FLT4: variants seen among roughly 807,000 people sequenced by gnomAD.
FLT4 encodes fms related receptor tyrosine kinase 4.
In FLT4, 30 loss-of-function variants were observed where a neutral mutation model predicts 163.2. That is an observed-to-expected ratio of 0.18 (90% confidence interval 0.14 to 0.25). The LOEUF is 0.25. Among genes scored for constraint, FLT4 ranks in the 10% least tolerant of loss-of-function variants. The pLI is 1.00. For missense variants in FLT4, 1,510 were observed against 1,863.8 expected (o/e 0.81, Z 3.50); for synonymous variants, 884 against 789.5 (o/e 1.12, Z -2.01).
Position 180,618,754 on chromosome 5 carries a change from G to C in FLT4, c.3001+16C>G, listed in dbSNP as rs374709698. On this transcript the variant is annotated intron_variant, in intron 21 of 29. Coordinates refer to ENST00000261937, the MANE Select transcript of FLT4 (RefSeq NM_182925.5). ...CCCGTCAGGCACTAGGAAAAGGGAA[G>C]AGGCCAGGCTCTCACCTTCTTGGTC... The C allele has an allele frequency of 4.4e-6, 7 of 1,581,936 alleles. No homozygotes were observed. The African/African-American group carries it at 9.4e-5, about 21-fold the overall frequency.
chr5:180,640,941 T>C (rs1031623429), intron 1 of FLT4, among the ~76,000 whole-genome samples: 4 of 152,158 alleles, frequency 2.6e-5, no homozygotes, highest in African/African-American at 7.2e-5. Flanking sequence ...CTCCGAATGA[T>C]GGCTGAGTCC....
At chr5:180,609,807 G>T in intron 28 of FLT4, 98 bp downstream of exon 28, 1 of 1,452,954 alleles carries the variant, frequency 6.9e-7, no homozygotes, top group Non-Finnish European at 9.6e-7. Context: ...ACAGTCGTTG[G>T]GTTCTGCCAT....
rs375651925 is a variant in FLT4 at position 180,624,102 on chromosome 5, G to C, written c.1422-41C>G. 72 of 1,605,694 alleles carry C rather than the reference G, an allele frequency of 4.5e-5. No individual in the cohort carries two copies. In the Middle Eastern group the frequency reaches 6.6e-4, roughly 15 times the overall value. On this transcript the variant is annotated intron_variant, in intron 10 of 29. Coordinates refer to ENST00000261937, the MANE Select transcript of FLT4 (RefSeq NM_182925.5). Reference sequence around the variant, plus strand: ...GAGGCAAGGGCAGGTCAGGGATACAGGCAGGAAGGGCCCACATGGGGGGCG... The same window carrying C: ...GAGGCAAGGGCAGGTCAGGGATACACGCAGGAAGGGCCCACATGGGGGGCG...
At chr5:180,644,476 T>C (rs1765369620) in intron 1 of FLT4, among the ~76,000 whole-genome samples, 1 of 152,254 alleles carries the variant, frequency 6.6e-6, no homozygotes, top group Admixed American at 6.5e-5. Context: ...CTGGGGAATG[T>C]GGACAGTGGC....
In FLT4 at chr5:180,604,682, A is replaced by AT. The variant is rs796169921; in HGVS notation, c.3894-1293dup. 8.5e-5 allele frequency among the ~76,000 whole-genome samples: 13 copies of AT among 152,104 alleles called. 1 individual carries two copies. Among genetic ancestry groups the AT allele is most frequent in the African/African-American group, 3.1e-4 (13 of 41,480 alleles). On this transcript the variant is annotated intron_variant, in intron 29 of 29. Transcript: ENST00000261937. Reference sequence around the variant, plus strand: ...ATCCTCAAGCGCTCACTTTCTTTGCATTTTTTGAAGATGTTGACTTCTTGT... The same window carrying AT: ...ATCCTCAAGCGCTCACTTTCTTTGCATTTTTTTGAAGATGTTGACTTCTTGT...
Position 180,631,300 on chromosome 5 carries a change from C to T in FLT4, c.155+382G>A, listed in dbSNP as rs567798569. 1.2e-4 allele frequency among the ~76,000 whole-genome samples: 18 copies of T among 152,024 alleles called. 1 individual carries two copies. The highest frequency in any genetic ancestry group is 3.6e-4 in the African/African-American group (15 of 41,524). ...CATCCTGCTTAACACGGTGAAACCCCGTCTCTACTACAAATACAAAAAATT... is the reference window on the plus strand; with the variant it reads ...CATCCTGCTTAACACGGTGAAACCCTGTCTCTACTACAAATACAAAAAATT... On this transcript the variant is annotated intron_variant, in intron 2 of 29. Transcript: ENST00000261937.
chr5:180,620,112 C>CT lies in FLT4; in HGVS notation c.2542+60_2542+61insA. ...TGAAAATGGAGGGATTCAGGCACTC[C>CT]GGCCTGCAGCAGGTGGGTCGGGCAG... is the stretch of plus-strand genomic sequence containing the variant. On this transcript the variant is annotated intron_variant, in intron 17 of 29. Coordinates refer to ENST00000261937, the MANE Select transcript of FLT4 (RefSeq NM_182925.5). This position sits in a 1 kb window ranked among gnomAD's most constrained non-coding sequence, Gnocchi z 4.4. 1 of 1,570,044 alleles carries CT rather than the reference C, an allele frequency of 6.4e-7. No individual in the cohort carries two copies. Among genetic ancestry groups the CT allele is most frequent in the Non-Finnish European group, 8.6e-7 (1 of 1,160,150 alleles).
intron 29 of FLT4, among the ~76,000 whole-genome samples, chr5:180,606,174 C>T (rs1188422151): frequency 6.6e-6 from 1 of 152,214 alleles, no homozygotes; most frequent in African/African-American, 2.4e-5. Flanking sequence ...CTCAAATGAA[C>T]AAATCCATCA....
At chr5:180,627,629 T>G (rs1581669281) in intron 8 of FLT4, among the ~76,000 whole-genome samples, 1 of 151,928 alleles carries the variant, frequency 6.6e-6, no homozygotes, top group East Asian at 1.9e-4. Flanking sequence ...ACAGGAAGGG[T>G]GGGTGGCTGC....
chr5:180,617,065 C>T, intron 21 of FLT4, 71 bp from the exon 22 acceptor site: 1 of 1,127,774 alleles, frequency 8.9e-7, no homozygotes, highest in Non-Finnish European at 1.3e-6. Context: ...CCCCAGGGAA[C>T]AGCTAACAAG....
At position 180,620,247 on chromosome 5, in the gene FLT4, G is replaced by C; in HGVS notation, c.2468C>G (p.Pro823Arg). 1 of 1,612,122 alleles carries C rather than the reference G, an allele frequency of 6.2e-7. No homozygotes were observed. The highest frequency in any genetic ancestry group is 1.1e-5 in the South Asian group (1 of 91,076). Residue 823 changes from proline to arginine, a missense_variant, in exon 17 of 30, where the codon CCT becomes CGT. This residue lies in a region of FLT4 where 878 missense variants were observed against 1,016.7 expected (regional missense o/e 0.86). Coordinates refer to ENST00000261937, the MANE Select transcript of FLT4 (RefSeq NM_182925.5). The surrounding 1 kb of genome is among the most constrained non-coding windows in gnomAD (Gnocchi z 4.4). ...LSIIMDPGEV[P>R]LEEQCEYLSY... is the part of the protein sequence containing the mutation. Reference sequence around the variant, plus strand: ...CAGGTATTCGCATTGCTCCTCCAGAGGCACCTCCCCGGGGTCCATGATGAT... The same window carrying C: ...CAGGTATTCGCATTGCTCCTCCAGACGCACCTCCCCGGGGTCCATGATGAT...
At position 180,621,914 on chromosome 5, in the gene FLT4, G is replaced by T; in HGVS notation, c.1658-10C>A. 1 of 1,613,186 alleles carries T rather than the reference G, an allele frequency of 6.2e-7. No individual in the cohort carries two copies. ...AAGCCGTCGGGGATGGCTGTGGAGGGAGGAAGAAGCCCTGTGGCACTGCCC... is the reference window on the plus strand; with the variant it reads ...AAGCCGTCGGGGATGGCTGTGGAGGTAGGAAGAAGCCCTGTGGCACTGCCC... On this transcript the variant is annotated splice_polypyrimidine_tract_variant and intron_variant, in intron 12 of 29. Transcript: ENST00000261937.
At chr5:180,641,462 G>A (rs1324517883) in intron 1 of FLT4, among the ~76,000 whole-genome samples, 3 of 152,224 alleles carry the variant, frequency 2.0e-5, no homozygotes, top group Admixed American at 6.5e-5. Context: ...CCTGCCAGCT[G>A]GACACACACT....
intron 1 of FLT4, among the ~76,000 whole-genome samples, chr5:180,633,474 G>GC (rs1025424200): frequency 2.0e-4 from 1 of 5,064 alleles, no homozygotes; most frequent in African/African-American, 2.6e-4. Context: ...CCTTCCCCTT[G>GC]GGGGTGCCAA....
intron 8 of FLT4, 124 bp from the exon 9 acceptor site, chr5:180,626,389 G>A (rs1185910054): frequency 6.0e-6 from 6 of 1,003,776 alleles, no homozygotes; most frequent in Non-Finnish European, 9.2e-6. Context: ...GGGTAGGACG[G>A]GGAACACTGG....
intron 1 of FLT4, among the ~76,000 whole-genome samples, chr5:180,641,801 C>T (rs975735153): frequency 2.0e-5 from 3 of 152,256 alleles, no homozygotes; most frequent in Non-Finnish European, 4.4e-5. Context: ...CCGCTCTTTG[C>T]TGTATGGTCT....
At chr5:180,603,590 C>G (rs1016689057) in intron 29 of FLT4, among the ~76,000 whole-genome samples, 200 bp from the exon 30 acceptor site, 2 of 152,150 alleles carry the variant, frequency 1.3e-5, no homozygotes, top group African/African-American at 4.8e-5. Context: ...TGCACGCCTG[C>G]GGTCCCAGCT....
chr5:180,644,292 G>A lies in FLT4; in HGVS notation c.58+5196C>T, dbSNP rs549942157. Reference sequence around the variant, plus strand: ...GGCGTGAGCGGAAAGAGGGCACAGGGTACCGGGAGGGTGGAGAGGCTGTGC... The same window carrying A: ...GGCGTGAGCGGAAAGAGGGCACAGGATACCGGGAGGGTGGAGAGGCTGTGC... On this transcript the variant is annotated intron_variant, in intron 1 of 29. Transcript: ENST00000261937. Among the ~76,000 whole-genome samples, 16 of 152,340 alleles carry A rather than the reference G, an allele frequency of 1.1e-4. No individual in the cohort carries two copies. The East Asian group carries it at 3.1e-3, about 29-fold the overall frequency.
intron 24 of FLT4, chr5:180,613,395 G>C: frequency 2.4e-6 from 1 of 412,944 alleles, no homozygotes; most frequent in Non-Finnish European, 4.3e-6. Flanking sequence ...AGACATCATG[G>C]TTACTGGATC....
Sources: gnomAD v4.1 joint callset for allele counts (sites outside exome capture counted in the v4.1 genomes callset) on GRCh38, gnomAD v4.1.1 for gene constraint, gnomAD v4.1.1 regional missense constraint, Gnocchi (gnomAD v3.1) non-coding constraint, MANE v1.5 for transcripts, NCBI Gene and HGNC (gene_info 2026-07-23, HGNC 2026-07-21) for gene names.